The following UBE2D2 variants were observed in gnomAD, a reference collection of about 807,000 sequenced individuals.
UBE2D2 encodes the protein ubiquitin conjugating enzyme E2 D2.
UBE2D2 carries 2 observed loss-of-function variants against 24.2 expected under a neutral mutation model. The observed-to-expected ratio is 0.08, with a 90% confidence interval of 0.03 to 0.26. UBE2D2 has a LOEUF of 0.26. Among genes scored for constraint, UBE2D2 ranks in the 10% least tolerant of loss-of-function variants. The pLI is 1.00. For synonymous variants in UBE2D2, 58 were observed against 56.5 expected, an observed-to-expected ratio of 1.03 and a Z score of -0.12; for missense variants, 44 against 177.6, an observed-to-expected ratio of 0.25 and a Z score of 4.28.
At chr5:139,562,081 C>T (rs1390249503) in intron 1 of UBE2D2, 13 of 898,672 alleles carry the variant, frequency 1.4e-5, no homozygotes, top group Non-Finnish European at 2.1e-5. Context: ...ACTCTTAGGG[C>T]TTCTCTCCAG....
rs902958313 is a variant in UBE2D2, at chr5:139,561,661, C to T, written c.-131C>T. 24 of 650,402 alleles carry T rather than the reference C, an allele frequency of 3.7e-5. No individual in the cohort carries two copies. The highest frequency in any genetic ancestry group is 5.8e-5 in the Non-Finnish European group (24 of 417,040). 40.3% of individuals were successfully genotyped at this position (650,402 alleles called of 1,614,324 possible). On this transcript the variant is annotated 5_prime_UTR_variant, in exon 1 of 7. Transcript: ENST00000398733. Reference sequence around the variant, plus strand: ...GGCCCTCAGCCCGTCCCGCCGGACCCGCTTTCCTCAACTCTCCATCTTCTC... The same window carrying T: ...GGCCCTCAGCCCGTCCCGCCGGACCTGCTTTCCTCAACTCTCCATCTTCTC...
intron 1 of UBE2D2, among the ~76,000 whole-genome samples, chr5:139,549,473 G>A (rs1040326448): frequency 2.0e-5 from 3 of 152,226 alleles, no homozygotes; most frequent in Non-Finnish European, 4.4e-5. Flanking sequence ...AGGAAGTGAG[G>A]GGCTTAGCAC....
intron 1 of UBE2D2, among the ~76,000 whole-genome samples, chr5:139,587,163 G>A (rs1050064603): frequency 7.2e-5 from 11 of 152,172 alleles, no homozygotes; most frequent in Admixed American, 2.0e-4. Flanking sequence ...GAGAACCGTA[G>A]AACCCAGTGA....
intron 1 of UBE2D2, among the ~76,000 whole-genome samples, chr5:139,574,004 C>T (rs355160): frequency 0.44 from 67,128 of 151,438 alleles, 19,352 homozygotes; most frequent in African/African-American, 0.82. Context: ...AAAAATGTCT[C>T]TCTCCTAGAT....
intron 1 of UBE2D2, among the ~76,000 whole-genome samples, chr5:139,536,781 C>T (rs1752686886): frequency 6.6e-6 from 1 of 152,120 alleles, no homozygotes; most frequent in Non-Finnish European, 1.5e-5. Context: ...TGAGCCACCG[C>T]ACCCGGCCCA....
At chr5:139,616,510 T>A (rs773918743) in intron 5 of UBE2D2, among the ~76,000 whole-genome samples, 2 of 152,194 alleles carry the variant, frequency 1.3e-5, no homozygotes, top group Non-Finnish European at 2.9e-5. Flanking sequence ...CAGATCCCAA[T>A]AGATGAATGG....
intron 6 of UBE2D2, among the ~76,000 whole-genome samples, chr5:139,623,947 T>C (rs1754566314): frequency 6.6e-6 from 1 of 152,148 alleles, no homozygotes; most frequent in Non-Finnish European, 1.5e-5. Context: ...TGCCTAGGCC[T>C]CCCAAAGTGC....
chr5:139,593,762 C>A (rs772532279), intron 1 of UBE2D2, among the ~76,000 whole-genome samples: 31 of 152,076 alleles, frequency 2.0e-4, no homozygotes, highest in Non-Finnish European at 2.9e-5. Context: ...CAGGCTCTCT[C>A]CACCATGCTG....
chr5:139,603,382 C>T (rs1232663482), intron 2 of UBE2D2, among the ~76,000 whole-genome samples: 1 of 152,126 alleles, frequency 6.6e-6, no homozygotes, highest in South Asian at 2.1e-4. Context: ...TGCGATGGTT[C>T]ACGTCTGTAA....
chr5:139,608,950 G>C (rs1277035735), intron 2 of UBE2D2, among the ~76,000 whole-genome samples: 2 of 151,980 alleles, frequency 1.3e-5, no homozygotes, highest in Non-Finnish European at 2.9e-5. Context: ...AGTCAGGTGT[G>C]GTGGCACACA....
At chr5:139,622,178 G>A (rs1371486473) in intron 5 of UBE2D2, among the ~76,000 whole-genome samples, 7 of 151,904 alleles carry the variant, frequency 4.6e-5, no homozygotes, top group African/African-American at 1.7e-4. Context: ...TTTGTATCTG[G>A]GAGACCAAGA....
intron 5 of UBE2D2, among the ~76,000 whole-genome samples, chr5:139,618,111 T>C (rs1475149704): frequency 6.6e-6 from 1 of 151,978 alleles, no homozygotes; most frequent in African/African-American, 2.4e-5. Flanking sequence ...GCAGCTGGGA[T>C]TATAGGGCAT....
rs137866750 is a variant in UBE2D2, at chr5:139,614,339, G to T, written c.89-247G>T. On this transcript the variant is annotated intron_variant, in intron 2 of 6. Transcript: ENST00000398733. The stretch of plus-strand genomic sequence containing the variant: ...TCACCTCAGCTTCTGGAAGTGTTGG[G>T]ATTACAGGTGTGAGCCACCACACCT... Among the ~76,000 whole-genome samples the T allele has an allele frequency of 1.4e-3, 218 of 152,182 alleles. 2 individuals are homozygous for T. Among genetic ancestry groups the T allele is most frequent in the African/African-American group, 5.0e-3 (208 of 41,534 alleles).
chr5:139,612,622 C>A (rs1754347809), intron 2 of UBE2D2, among the ~76,000 whole-genome samples: 1 of 152,082 alleles, frequency 6.6e-6, no homozygotes, highest in Non-Finnish European at 1.5e-5. Flanking sequence ...AGAACAGGTC[C>A]CTTGACCAGT....
At chr5:139,542,613 G>A (rs1386848308) in intron 1 of UBE2D2, among the ~76,000 whole-genome samples, 5 of 152,098 alleles carry the variant, frequency 3.3e-5, no homozygotes, top group South Asian at 4.1e-4. Flanking sequence ...CAGCCACCAC[G>A]CCTGGCATGG....
chr5:139,571,406 C>CAAAAAAAAA (rs549829203), intron 1 of UBE2D2, among the ~76,000 whole-genome samples: 1 of 88,182 alleles, frequency 1.1e-5, no homozygotes. Context: ...GACTCCCTCT[C>CAAAAAAAAA]AAAAAAAAAA....
At chr5:139,617,805 T>C (rs1277527981) in intron 5 of UBE2D2, among the ~76,000 whole-genome samples, 1 of 152,066 alleles carries the variant, frequency 6.6e-6, no homozygotes, top group African/African-American at 2.4e-5. Flanking sequence ...CAATAATACA[T>C]ATTTCATTGT....
intron 1 of UBE2D2, among the ~76,000 whole-genome samples, chr5:139,548,142 C>T (rs200883664): frequency 0.53 from 61,813 of 117,466 alleles, 16,190 homozygotes; most frequent in African/African-American, 0.76. Context: ...CCAGCCTGGG[C>T]GACAGAGCGA....
At position 139,562,468 on chromosome 5, in the gene UBE2D2, T is replaced by C. The variant is rs142471802; in HGVS notation, c.24+653T>C. ...ATCATTTTATTCCTTGAGGTTGCTG[T>C]ATGTAGTTAGAAACTAACACTTCCG... On this transcript the variant is annotated intron_variant, in intron 1 of 6. Coordinates refer to ENST00000398733, the MANE Select transcript of UBE2D2 (RefSeq NM_003339.3). 3.1e-6 allele frequency: 4 copies of C among 1,274,274 alleles called. No homozygotes were observed. In the African/African-American group the frequency reaches 4.6e-5, roughly 15 times the overall value. The allele number at this position is 1,274,274 out of a possible 1,614,324, so 78.9% of individuals were successfully genotyped here.
Sources: gnomAD v4.1 joint callset for allele counts (sites outside exome capture counted in the v4.1 genomes callset) on GRCh38, gnomAD v4.1.1 for gene constraint, MANE v1.5 for transcripts, NCBI Gene and HGNC (gene_info 2026-07-23, HGNC 2026-07-21) for gene names.